The following LRBA variants were observed in gnomAD, a reference collection of about 807,000 sequenced individuals.
The protein encoded by LRBA is lipopolysaccharide-responsive and beige-like anchor protein.
Under a neutral mutation model 330.0 loss-of-function variants are expected in LRBA, and 176 were observed. That is an observed-to-expected ratio of 0.53 (90% CI 0.47 to 0.60). The LOEUF is 0.60. Ranked by LOEUF, LRBA falls within the 20% of genes least tolerant of loss-of-function variation. The pLI is 0.00. For missense variants in LRBA, 3,259 were observed against 3,444.8 expected, an observed-to-expected ratio of 0.95 and a Z score of 1.35; for synonymous variants, 1,230 against 1,193.0, an observed-to-expected ratio of 1.03 and a Z score of -0.64.
intron 36 of LRBA, among the ~76,000 whole-genome samples, chr4:150,714,990 C>T (rs905514385): frequency 1.3e-5 from 2 of 152,052 alleles, no homozygotes; most frequent in African/African-American, 4.8e-5. Context: ...TCAGGAACAC[C>T]AATGTATTTG....
chr4:150,738,342 T>G (rs777176441), intron 35 of LRBA, among the ~76,000 whole-genome samples: 1 of 152,144 alleles, frequency 6.6e-6, no homozygotes, highest in African/African-American at 2.4e-5. Flanking sequence ...TGCTAAGCTG[T>G]GTTTGTCTGT....
chr4:150,985,195 T>C (rs933529185), intron 2 of LRBA, among the ~76,000 whole-genome samples: 2 of 150,710 alleles, frequency 1.3e-5, no homozygotes, highest in African/African-American at 4.9e-5. Flanking sequence ...GGGGTGGAGG[T>C]TGCAGTGAGC....
At chr4:150,716,393 TA>T (rs1053959007) in intron 36 of LRBA, among the ~76,000 whole-genome samples, 2 of 151,756 alleles carry the variant, frequency 1.3e-5, no homozygotes, top group Admixed American at 1.3e-4. Flanking sequence ...TTTCAGTGCA[TA>T]AAAAAAAGAA....
At chr4:150,903,536 C>T (rs890294697) in intron 13 of LRBA, among the ~76,000 whole-genome samples, 1 of 151,862 alleles carries the variant, frequency 6.6e-6, no homozygotes, top group South Asian at 2.1e-4. Flanking sequence ...CCCAGGAGTT[C>T]GAGACCAGCC....
At chr4:150,468,798 C>T (rs1028842105) in intron 43 of LRBA, among the ~76,000 whole-genome samples, 1 of 151,896 alleles carries the variant, frequency 6.6e-6, no homozygotes, top group African/African-American at 2.4e-5. Flanking sequence ...GTTCTCTGTA[C>T]ATACTCTTGG....
intron 2 of LRBA, among the ~76,000 whole-genome samples, chr4:150,965,142 T>C (rs1322909138): frequency 6.6e-6 from 1 of 152,192 alleles, no homozygotes; most frequent in African/African-American, 2.4e-5. Flanking sequence ...GAATCTATCC[T>C]ATAGATACAA....
At chr4:150,437,613 A>C (rs934690417) in intron 44 of LRBA, among the ~76,000 whole-genome samples, 6 of 151,432 alleles carry the variant, frequency 4.0e-5, no homozygotes, top group Admixed American at 1.3e-4. Flanking sequence ...ATACTGGAAA[A>C]TAATACTTTA....
Position 150,916,525 on chromosome 4 carries a change from A to C in LRBA, c.770T>G (p.Phe257Cys). 2 of 1,612,888 alleles carry C rather than the reference A, an allele frequency of 1.2e-6. No homozygotes were observed. The highest frequency in any genetic ancestry group is 1.7e-6 in the Non-Finnish European group (2 of 1,179,672). ...ATAGCCAAGACCTTTGCTGGTTCTG[A>C]AACTATAAAGAATAGTTTTCATTTT... ...VDKDKPYLYC[F>C]RTSKGLGYSA... The change falls in exon 7 of 57, where the codon TTC (phenylalanine) becomes TGC (cysteine). Residue 257 changes from phenylalanine (F) to cysteine (C), a missense_variant and splice_region_variant. Transcript: ENST00000651943.
intron 48 of LRBA, among the ~76,000 whole-genome samples, chr4:150,336,175 C>T (rs1734702494): frequency 2.0e-5 from 3 of 152,090 alleles, no homozygotes; most frequent in Admixed American, 6.6e-5. Flanking sequence ...TATTAAGCCC[C>T]GTACCCAATA....
intron 11 of LRBA, among the ~76,000 whole-genome samples, chr4:150,907,143 A>G (rs1298062043): frequency 7.6e-5 from 11 of 145,678 alleles, no homozygotes; most frequent in East Asian, 2.0e-4. Context: ...AACAAAAAAA[A>G]AGAGAGAGAG....
At chr4:150,329,430 A>G (rs1464182308) in intron 48 of LRBA, among the ~76,000 whole-genome samples, 1 of 152,136 alleles carries the variant, frequency 6.6e-6, no homozygotes, top group Non-Finnish European at 1.5e-5. Context: ...TAATCTCTGA[A>G]GCAATTTACA....
intron 47 of LRBA, among the ~76,000 whole-genome samples, chr4:150,356,061 G>A (rs1737802874): frequency 6.6e-6 from 1 of 151,884 alleles, no homozygotes; most frequent in Non-Finnish European, 1.5e-5. Context: ...AATTTACATT[G>A]AAGAAAGCTG....
intron 40 of LRBA, among the ~76,000 whole-genome samples, chr4:150,555,756 A>ACAC (rs1767227376): frequency 3.5e-5 from 5 of 144,610 alleles, no homozygotes; most frequent in Non-Finnish European, 4.5e-5. Flanking sequence ...GTCTTATAAA[A>ACAC]ACACACACAC....
At chr4:150,727,279 G>A (rs902275848) in intron 36 of LRBA, among the ~76,000 whole-genome samples, 17 of 151,886 alleles carry the variant, frequency 1.1e-4, no homozygotes, top group Non-Finnish European at 2.4e-4. Flanking sequence ...TCGCCATGTT[G>A]GCCAGGCTGG....
At chr4:150,614,829 C>G (rs1241994894) in intron 37 of LRBA, among the ~76,000 whole-genome samples, 1 of 152,228 alleles carries the variant, frequency 6.6e-6, no homozygotes, top group Non-Finnish European at 1.5e-5. Context: ...GCAATGTGTT[C>G]CCTGGCTGGG....
intron 42 of LRBA, among the ~76,000 whole-genome samples, chr4:150,486,537 T>A (rs1757889414): frequency 6.6e-6 from 1 of 151,954 alleles, no homozygotes; most frequent in African/African-American, 2.4e-5. Context: ...AATTTTGATA[T>A]ATTCATATTT....
At chr4:150,528,343 CA>C (rs144716284) in intron 40 of LRBA, among the ~76,000 whole-genome samples, 2 of 151,356 alleles carry the variant, frequency 1.3e-5, no homozygotes, top group Admixed American at 6.6e-5. Context: ...ACTAAAAATA[CA>C]AAAAAAATTA....
intron 47 of LRBA, among the ~76,000 whole-genome samples, chr4:150,351,092 T>A (rs1033022458): frequency 5.9e-5 from 9 of 152,304 alleles, no homozygotes; most frequent in East Asian, 3.9e-4. Context: ...ATGAACACAA[T>A]CAAGTATTTG....
At chr4:150,837,844 C>G (rs1307551354) in intron 28 of LRBA, among the ~76,000 whole-genome samples, 3 of 152,124 alleles carry the variant, frequency 2.0e-5, no homozygotes, top group Non-Finnish European at 2.9e-5. Context: ...ATGATGTTAG[C>G]TGGTTATTTT....
Sources: gnomAD v4.1 joint callset for allele counts (sites outside exome capture counted in the v4.1 genomes callset) on GRCh38, gnomAD v4.1.1 for gene constraint, MANE v1.5 for transcripts, NCBI Gene and HGNC (gene_info 2026-07-23, HGNC 2026-07-21) for gene names.